THSD7B: variants seen among roughly 807,000 people sequenced by gnomAD.
The protein encoded by THSD7B is thrombospondin type 1 domain containing 7B, also known as thrombospondin type-1 domain-containing protein 7B.
In THSD7B, 138 loss-of-function variants were observed where a neutral mutation model predicts 213.6. The ratio of observed to expected loss-of-function variants is 0.65; its 90% CI spans 0.56 to 0.74. THSD7B has a LOEUF of 0.74. THSD7B is among the 30% of genes least tolerant of loss of function. The pLI is 0.00. For synonymous variants in THSD7B, 742 were observed against 687.0 expected (o/e 1.08, Z -1.25); for missense variants, 1,931 against 1,991.5 (o/e 0.97, Z 0.58).
At chr2:137,133,569 C>T (rs1202704185) in intron 5 of THSD7B, among the ~76,000 whole-genome samples, 1 of 151,830 alleles carries the variant, frequency 6.6e-6, no homozygotes, top group Non-Finnish European at 1.5e-5. Flanking sequence ...CTAGTAAGTT[C>T]CCTGGAGATG....
chr2:137,031,446 T>C (rs1686665255), intron 2 of THSD7B, among the ~76,000 whole-genome samples: 2 of 152,234 alleles, frequency 1.3e-5, no homozygotes, highest in East Asian at 3.9e-4. Context: ...CTAGAGCCCA[T>C]AGATTTTGTC....
At chr2:137,670,282 T>C (rs1030081863) in intron 27 of THSD7B, among the ~76,000 whole-genome samples, 3 of 152,126 alleles carry the variant, frequency 2.0e-5, no homozygotes, top group Admixed American at 6.5e-5. Flanking sequence ...TACTCATAGA[T>C]GAGCTCTGGC....
At chr2:136,984,187 C>G in intron 2 of THSD7B, among the ~76,000 whole-genome samples, 1 of 152,158 alleles carries the variant, frequency 6.6e-6, no homozygotes, top group Admixed American at 6.5e-5. Flanking sequence ...TTCTGTCCCT[C>G]CCATCCCACA....
chr2:137,379,568 T>C (rs762787341), intron 12 of THSD7B, among the ~76,000 whole-genome samples: 17 of 152,182 alleles, frequency 1.1e-4, no homozygotes, highest in Non-Finnish European at 1.9e-4. Flanking sequence ...AGGAAAGCAA[T>C]TGGGATATGG....
chr2:137,438,845 T>G (rs1220067088), intron 14 of THSD7B, among the ~76,000 whole-genome samples: 2 of 152,130 alleles, frequency 1.3e-5, no homozygotes, highest in Non-Finnish European at 2.9e-5. Flanking sequence ...TTGCAAATAG[T>G]CTTTGCAGAT....
chr2:137,090,881 A>C (rs1324984699), intron 3 of THSD7B, among the ~76,000 whole-genome samples: 2 of 152,202 alleles, frequency 1.3e-5, no homozygotes, highest in Non-Finnish European at 2.9e-5. Flanking sequence ...CTTAGCAGCT[A>C]AGAGATTAAG....
chr2:136,874,665 CT>C (rs1382184461), intron 1 of THSD7B, among the ~76,000 whole-genome samples: 4 of 152,116 alleles, frequency 2.6e-5, no homozygotes, highest in African/African-American at 7.2e-5. Flanking sequence ...GTGTGAGGCA[CT>C]TTTTTTTATA....
At chr2:136,805,695 G>T (rs1255104129) in intron 1 of THSD7B, among the ~76,000 whole-genome samples, 1 of 152,214 alleles carries the variant, frequency 6.6e-6, no homozygotes, top group Non-Finnish European at 1.5e-5. Flanking sequence ...ATTGGGTTTG[G>T]CTAGTAGGGG....
intron 7 of THSD7B, among the ~76,000 whole-genome samples, chr2:137,175,174 A>T (rs1479574010): frequency 2.0e-5 from 3 of 152,162 alleles, no homozygotes; most frequent in African/African-American, 7.2e-5. Context: ...AGAAGACTCC[A>T]TGGGGTCATT....
chr2:137,337,157 T>A, intron 12 of THSD7B, among the ~76,000 whole-genome samples: 1 of 151,994 alleles, frequency 6.6e-6, no homozygotes, highest in East Asian at 1.9e-4. Flanking sequence ...TATAATACTA[T>A]TAATATTCAG....
At chr2:137,117,708 G>A (rs777399364) in intron 5 of THSD7B, among the ~76,000 whole-genome samples, 22 of 152,060 alleles carry the variant, frequency 1.4e-4, no homozygotes, top group Non-Finnish European at 5.9e-5. Context: ...CCAAGCACCT[G>A]ATTTTAGAGG....
intron 22 of THSD7B, among the ~76,000 whole-genome samples, chr2:137,656,007 T>C (rs1463417351): frequency 2.0e-5 from 3 of 152,154 alleles, no homozygotes; most frequent in Non-Finnish European, 4.4e-5. Context: ...CCTAGCACAT[T>C]GGACAGCGTT....
intron 21 of THSD7B, among the ~76,000 whole-genome samples, chr2:137,643,256 G>T (rs536709546): frequency 3.5e-4 from 53 of 152,240 alleles, no homozygotes; most frequent in Middle Eastern, 3.4e-3. Flanking sequence ...TCTTGCTTAA[G>T]AAATAGCACA....
chr2:137,587,358 G>A (rs545545625), intron 17 of THSD7B, among the ~76,000 whole-genome samples: 1 of 152,212 alleles, frequency 6.6e-6, no homozygotes, highest in African/African-American at 2.4e-5. Flanking sequence ...TATCCATCTA[G>A]CTTTGTTCCG....
chr2:137,147,491 T>G (rs535721227), intron 5 of THSD7B, among the ~76,000 whole-genome samples: 152 of 152,062 alleles, frequency 1.0e-3, no homozygotes, highest in African/African-American at 3.5e-3. Flanking sequence ...CACATATTTA[T>G]TTTAGAGACA....
intron 3 of THSD7B, among the ~76,000 whole-genome samples, chr2:137,076,179 C>G (rs1394653927): frequency 1.3e-5 from 2 of 152,244 alleles, no homozygotes; most frequent in Non-Finnish European, 2.9e-5. Context: ...TGCCCTGCCT[C>G]CAGAGGTGGA....
intron 15 of THSD7B, among the ~76,000 whole-genome samples, chr2:137,532,190 G>A (rs369321424): frequency 3.0e-4 from 45 of 152,042 alleles, no homozygotes; most frequent in African/African-American, 1.0e-3. Context: ...GGACAATTCT[G>A]AATCTGAATC....
At chr2:137,014,573 T>G (rs1215592886) in intron 2 of THSD7B, among the ~76,000 whole-genome samples, 1 of 152,170 alleles carries the variant, frequency 6.6e-6, no homozygotes, top group Admixed American at 6.5e-5. Flanking sequence ...AGCCTGGGAT[T>G]TCTTTCATTT....
Position 137,209,770 on chromosome 2 carries a change from C to T in THSD7B, c.1724-21274C>T, listed in dbSNP as rs115877956. Among the ~76,000 whole-genome samples, 326 of 152,188 alleles carry T rather than the reference C, an allele frequency of 2.1e-3. 1 individual carries two copies. Among genetic ancestry groups the T allele is most frequent in the African/African-American group, 7.4e-3 (309 of 41,546 alleles). On this transcript the variant is annotated intron_variant, in intron 7 of 27. Transcript: ENST00000409968. Reference sequence around the variant, plus strand: ...TAATGCATTTAACGCATTTAAATTACAATAACTTGGCATATGTTATGGGCT... The same window carrying T: ...TAATGCATTTAACGCATTTAAATTATAATAACTTGGCATATGTTATGGGCT...
Sources: allele counts gnomAD v4.1 joint callset (sites outside exome capture counted in the v4.1 genomes callset), GRCh38; gene constraint gnomAD v4.1.1; transcripts MANE v1.5; gene names NCBI Gene and HGNC (gene_info 2026-07-23, HGNC 2026-07-21).